Variants in KAT6A observed in about 807,000 individuals in gnomAD.
KAT6A encodes histone acetyltransferase KAT6A.
KAT6A carries 9 observed loss-of-function variants against 198.4 expected under a neutral mutation model. That is an observed-to-expected ratio of 0.05 (90% CI 0.03 to 0.08). KAT6A has a LOEUF of 0.08. Among genes scored for constraint, KAT6A ranks in the 10% least tolerant of loss-of-function variants. The pLI is 1.00. For missense variants in KAT6A, 2,077 were observed against 2,509.9 expected (o/e 0.83, Z 3.69); for synonymous variants, 890 against 883.0 (o/e 1.01, Z -0.14).
chr8:42,048,996 T>A lies in KAT6A; in HGVS notation c.-19A>T. 1.9e-6 allele frequency: 3 copies of A among 1,602,992 alleles called. No individual in the cohort carries two copies. Among genetic ancestry groups the A allele is most frequent in the Non-Finnish European group, 2.6e-6 (3 of 1,176,066 alleles). ...TTACCATGGTGAAGGATTCTGTATATCCATAGAGTCGTTATCCCTTATCCT... is the reference window on the plus strand; with the variant it reads ...TTACCATGGTGAAGGATTCTGTATAACCATAGAGTCGTTATCCCTTATCCT... On this transcript the variant is annotated 5_prime_UTR_variant, in exon 2 of 17. Transcript: ENST00000265713.
chr8:41,947,193 T>G (rs1822441342), intron 11 of KAT6A, among the ~76,000 whole-genome samples: 1 of 152,232 alleles, frequency 6.6e-6, no homozygotes, highest in Non-Finnish European at 1.5e-5. Flanking sequence ...ACTAATGAAG[T>G]AGCCTAAAGA....
At chr8:41,957,048 C>T in intron 8 of KAT6A, 1 of 589,054 alleles carries the variant, frequency 1.7e-6, no homozygotes, top group Non-Finnish European at 3.4e-6. Flanking sequence ...AAGTCATGCA[C>T]CTGCTGCGGC....
intron 2 of KAT6A, among the ~76,000 whole-genome samples, chr8:42,022,120 T>C (rs1331392088): frequency 2.0e-5 from 3 of 152,196 alleles, no homozygotes; most frequent in African/African-American, 7.2e-5. Context: ...TTTAAAGAGT[T>C]GCTGTGATCT....
chr8:42,003,100 G>T (rs546820161), intron 2 of KAT6A, among the ~76,000 whole-genome samples: 1 of 152,210 alleles, frequency 6.6e-6, no homozygotes, highest in South Asian at 2.1e-4. Context: ...ATCTCCACCA[G>T]CCGGGAACAC....
chr8:42,009,894 C>CAAAAAAAAAAAAAAAAA (rs538642816), intron 2 of KAT6A, among the ~76,000 whole-genome samples: 35 of 48,940 alleles, frequency 7.2e-4, no homozygotes, highest in Non-Finnish European at 9.8e-4. Context: ...AGCCCTGTCT[C>CAAAAAAAAAAAAAAAAA]AAAAAAAAAA....
chr8:42,016,547 A>G (rs772956342), intron 2 of KAT6A, among the ~76,000 whole-genome samples: 1 of 152,362 alleles, frequency 6.6e-6, no homozygotes, highest in Non-Finnish European at 1.5e-5. Context: ...ATAAACATAA[A>G]ACAGGTTGAG....
chr8:42,034,742 A>G (rs2150923865), intron 2 of KAT6A, among the ~76,000 whole-genome samples: 1 of 152,356 alleles, frequency 6.6e-6, no homozygotes, highest in South Asian at 2.1e-4. Context: ...GGCTCTGGCT[A>G]TCACAGAGGG....
chr8:41,939,370 C>T (rs1255536627), intron 15 of KAT6A, among the ~76,000 whole-genome samples: 2 of 152,126 alleles, frequency 1.3e-5, no homozygotes, highest in African/African-American at 4.8e-5. Flanking sequence ...TTGATACTTG[C>T]TTCTTTTTAT....
intron 2 of KAT6A, among the ~76,000 whole-genome samples, chr8:42,046,846 T>C (rs1318806395): frequency 6.6e-6 from 1 of 152,200 alleles, no homozygotes; most frequent in African/African-American, 2.4e-5. Context: ...TGAATGAGAT[T>C]CTCTATCAAT....
chr8:41,946,545 G>A, intron 12 of KAT6A, 46 bp downstream of exon 12: 2 of 877,248 alleles, frequency 2.3e-6, no homozygotes, highest in African/African-American at 2.0e-5. Flanking sequence ...CACACACAGA[G>A]AAGGTCCACT....
intron 2 of KAT6A, among the ~76,000 whole-genome samples, chr8:42,033,305 G>T (rs542636938): frequency 1.3e-5 from 2 of 152,262 alleles, no homozygotes; most frequent in African/African-American, 4.8e-5. Context: ...TAAGTAAAAA[G>T]ATGTATCCTG....
intron 1 of KAT6A, among the ~76,000 whole-genome samples, chr8:42,051,561 G>A (rs1458044228): frequency 6.9e-6 from 1 of 144,826 alleles, no homozygotes; most frequent in East Asian, 2.0e-4. Flanking sequence ...TGGGCCGCTC[G>A]CCGCCCGCCC....
chr8:41,939,642 T>C (rs141486173), intron 15 of KAT6A, among the ~76,000 whole-genome samples: 1 of 152,206 alleles, frequency 6.6e-6, no homozygotes, highest in South Asian at 2.1e-4. Flanking sequence ...TACCCCATTC[T>C]AATATCATGA....
chr8:42,050,919 G>A (rs1387404972), intron 1 of KAT6A, among the ~76,000 whole-genome samples: 2 of 152,114 alleles, frequency 1.3e-5, no homozygotes, highest in African/African-American at 4.8e-5. Flanking sequence ...CGGCTAGAGC[G>A]AGCGCAACTC....
intron 2 of KAT6A, among the ~76,000 whole-genome samples, chr8:42,025,259 T>A (rs1206161672): frequency 6.6e-6 from 1 of 152,158 alleles, no homozygotes; most frequent in African/African-American, 2.4e-5. Context: ...TTGCCCAGGC[T>A]GGAGTGCAGT....
In KAT6A at chr8:41,933,714, C is replaced by A; in HGVS notation, c.4506G>T (p.Val1502=). 6.2e-7 allele frequency: 1 copy of A among 1,614,090 alleles called. No homozygotes were observed. Among genetic ancestry groups the A allele is most frequent in the East Asian group, 2.2e-5 (1 of 44,876 alleles). ...QSVRSVSSPN[V]PALESGYTQI... Reference sequence around the variant, plus strand: ...GGGTGTAGCCACTCTCAAGGGCAGGCACGTTGGGACTGCTGACCGAACGGA... The same window carrying A: ...GGGTGTAGCCACTCTCAAGGGCAGGAACGTTGGGACTGCTGACCGAACGGA... The change falls in exon 17 of 17, where the codon GTG becomes GTT. Residue 1502 remains valine, a synonymous_variant. Coordinates refer to ENST00000265713, the MANE Select transcript of KAT6A (RefSeq NM_006766.5). This position sits in a 1 kb window ranked among gnomAD's most constrained non-coding sequence, Gnocchi z 6.2.
At chr8:41,976,881 A>G in intron 7 of KAT6A, 127 bp downstream of exon 7, 1 of 777,996 alleles carries the variant, frequency 1.3e-6, no homozygotes, top group Non-Finnish European at 1.9e-6. Flanking sequence ...TGTTTTTTCA[A>G]TGTGTTCTTA....
chr8:42,051,080 G>C (rs1587874667), intron 1 of KAT6A, among the ~76,000 whole-genome samples: 1 of 152,120 alleles, frequency 6.6e-6, no homozygotes, highest in African/African-American at 2.4e-5. Flanking sequence ...GATGGAAACA[G>C]ACCCCGAGCA....
intron 2 of KAT6A, among the ~76,000 whole-genome samples, chr8:41,988,017 A>G (rs1296215005): frequency 1.3e-5 from 2 of 152,260 alleles, no homozygotes; most frequent in Non-Finnish European, 2.9e-5. Context: ...GTTTTCTAGC[A>G]GTACGAAAAA....
Sources: allele counts gnomAD v4.1 joint callset (sites outside exome capture counted in the v4.1 genomes callset), GRCh38; gene constraint gnomAD v4.1.1; non-coding constraint Gnocchi (gnomAD v3.1); transcripts MANE v1.5; gene names NCBI Gene and HGNC (gene_info 2026-07-23, HGNC 2026-07-21).